MYO1E: variants seen among roughly 807,000 people sequenced by gnomAD.
The protein encoded by MYO1E is myosin IE, also known as unconventional myosin-Ie.
A neutral mutation model predicts 151.1 loss-of-function variants in MYO1E; 68 were observed. That is an observed-to-expected ratio of 0.45 (90% CI 0.37 to 0.55). The LOEUF (loss-of-function observed/expected upper bound fraction) is 0.55. MYO1E is among the 20% of genes least tolerant of loss of function. The probability of loss-of-function intolerance (pLI) is 0.00; values close to 1 mark genes in which losing one functional copy is unlikely to be tolerated. For missense variants in MYO1E, 1,363 were observed against 1,389.3 expected, an observed-to-expected ratio of 0.98 and a Z score of 0.30; for synonymous variants, 601 against 501.7, an observed-to-expected ratio of 1.20 and a Z score of -2.64.
At chr15:59,187,146 C>G (rs1372723080) in intron 18 of MYO1E, among the ~76,000 whole-genome samples, 1 of 152,190 alleles carries the variant, frequency 6.6e-6, no homozygotes, top group Non-Finnish European at 1.5e-5. Flanking sequence ...AATTCTTGCA[C>G]TTATGTGTTA....
At chr15:59,178,813 C>G (rs1474924131) in intron 18 of MYO1E, among the ~76,000 whole-genome samples, 1 of 152,232 alleles carries the variant, frequency 6.6e-6, no homozygotes, top group Non-Finnish European at 1.5e-5. Context: ...CTTTCTACCA[C>G]TGTCTGAAAA....
At chr15:59,191,893 T>C (rs1490984386) in intron 17 of MYO1E, among the ~76,000 whole-genome samples, 1 of 152,168 alleles carries the variant, frequency 6.6e-6, no homozygotes, top group East Asian at 1.9e-4. Flanking sequence ...TTTACTCAAA[T>C]TGATCAGGGC....
chr15:59,202,574 T>C (rs577760716), intron 15 of MYO1E, among the ~76,000 whole-genome samples, 167 bp from the exon 16 acceptor site: 2 of 152,210 alleles, frequency 1.3e-5, no homozygotes, highest in East Asian at 3.9e-4. Flanking sequence ...CTTGGGGAAA[T>C]GAACAACGGA....
chr15:59,216,319 A>G (rs2079913969), intron 10 of MYO1E, among the ~76,000 whole-genome samples: 1 of 152,024 alleles, frequency 6.6e-6, no homozygotes, highest in African/African-American at 2.4e-5. Flanking sequence ...GTTTATCTGT[A>G]AAGCAGAGAT....
chr15:59,192,299 TAA>T (rs1302217808), intron 17 of MYO1E, among the ~76,000 whole-genome samples: 5 of 139,992 alleles, frequency 3.6e-5, no homozygotes, highest in Admixed American at 7.2e-5. Context: ...GGGAATCATT[TAA>T]AAAAAAAAAA....
intron 18 of MYO1E, among the ~76,000 whole-genome samples, chr15:59,186,416 AC>A (rs1566973451): frequency 2.0e-5 from 3 of 151,958 alleles, no homozygotes; most frequent in East Asian, 3.9e-4. Flanking sequence ...AAAAAAAAAA[AC>A]ATTATATCCA....
At chr15:59,236,809 G>A in intron 4 of MYO1E, 137 bp from the exon 5 acceptor site, 1 of 774,106 alleles carries the variant, frequency 1.3e-6, no homozygotes, top group East Asian at 2.7e-5. Flanking sequence ...TTTTTTTTAA[G>A]TACAATACCA....
chr15:59,238,270 T>G (rs1309867761), intron 4 of MYO1E, among the ~76,000 whole-genome samples: 1 of 152,194 alleles, frequency 6.6e-6, no homozygotes, highest in African/African-American at 2.4e-5. Flanking sequence ...ACTCTCTCAT[T>G]GGAATTACAC....
Position 59,182,822 on chromosome 15 carries a change from C to T in MYO1E, c.1905-4285G>A, listed in dbSNP as rs2079671883. Among the ~76,000 whole-genome samples the T allele has an allele frequency of 2.0e-5, 3 of 152,134 alleles. No homozygotes were observed. In the South Asian group the frequency reaches 6.2e-4, roughly 32 times the overall value. On this transcript the variant is annotated intron_variant, in intron 18 of 27. Coordinates refer to ENST00000288235, the MANE Select transcript of MYO1E (RefSeq NM_004998.4). Reference sequence around the variant, plus strand: ...ACACCTCATGCACGTATCACAGGGTCCCTTACACCAGCCAATCTTTTTGGC... The same window carrying T: ...ACACCTCATGCACGTATCACAGGGTTCCTTACACCAGCCAATCTTTTTGGC...
At position 59,227,609 on chromosome 15, in the gene MYO1E, T is replaced by A. The variant is rs2306782; in HGVS notation, c.511-19A>T. On this transcript the variant is annotated intron_variant, in intron 6 of 27. Coordinates refer to ENST00000288235, the MANE Select transcript of MYO1E (RefSeq NM_004998.4). ...ATTTTCCCTGCAAGAAAGTTAGGGA[T>A]TTCCTTCAATGGTTGGTGAACAAAA... 8,103 of 1,613,880 alleles carry A rather than the reference T, an allele frequency of 5.0e-3. 168 individuals are homozygous for A. The Admixed American group carries it at 0.058, about 11-fold the overall frequency.
At chr15:59,354,177 G>A (rs1352288683) in intron 1 of MYO1E, among the ~76,000 whole-genome samples, 1 of 152,170 alleles carries the variant, frequency 6.6e-6, no homozygotes, top group Non-Finnish European at 1.5e-5. Context: ...TGAAGCTACT[G>A]GAATTTGTGG....
chr15:59,367,822 TA>T lies in MYO1E; in HGVS notation c.3+4675del, dbSNP rs2080923008. Reference sequence around the variant, plus strand: ...GCCCCTCTGAGATGATCAAATCACATATAAAAATTGGCAGAGGCCGGGCGTG... The same window carrying T: ...GCCCCTCTGAGATGATCAAATCACATTAAAAATTGGCAGAGGCCGGGCGTG... On this transcript the variant is annotated intron_variant, in intron 1 of 27. Coordinates refer to ENST00000288235, the MANE Select transcript of MYO1E (RefSeq NM_004998.4). 2.0e-5 allele frequency among the ~76,000 whole-genome samples: 3 copies of T among 152,086 alleles called. No homozygotes were observed. In the South Asian group the frequency reaches 6.2e-4, roughly 32 times the overall value.
At chr15:59,195,109 G>A (rs746135996) in intron 17 of MYO1E, among the ~76,000 whole-genome samples, 21 of 152,300 alleles carry the variant, frequency 1.4e-4, no homozygotes, top group African/African-American at 4.1e-4. Context: ...TGTGGGTCCC[G>A]ATCAGGGGCT....
intron 13 of MYO1E, 57 bp from the exon 14 acceptor site, chr15:59,208,905 C>G (rs1182325029): frequency 6.3e-7 from 1 of 1,599,840 alleles, no homozygotes; most frequent in African/African-American, 1.3e-5. Flanking sequence ...ACAGACAATG[C>G]TTATCAGGTC....
At chr15:59,203,075 G>A (rs1256608254) in intron 15 of MYO1E, among the ~76,000 whole-genome samples, 1 of 152,178 alleles carries the variant, frequency 6.6e-6, no homozygotes, top group Non-Finnish European at 1.5e-5. Flanking sequence ...AAGCAAGATA[G>A]ACCAGAGCTC....
rs559285843 is a variant in MYO1E at position 59,360,062 on chromosome 15, A to T, written c.3+12436T>A. Among the ~76,000 whole-genome samples, 6 of 152,324 alleles carry T rather than the reference A, an allele frequency of 3.9e-5. 1 individual carries two copies. The South Asian group carries it at 1.2e-3, about 32-fold the overall frequency. On this transcript the variant is annotated intron_variant, in intron 1 of 27. Coordinates refer to ENST00000288235, the MANE Select transcript of MYO1E (RefSeq NM_004998.4). ...GGGGAAGATAAGAACAGTGAAATCA[A>T]GATTGGTCATGAGTTGTCAACGGCT...
Position 59,223,085 on chromosome 15 carries a change from T to G in MYO1E, c.884A>C (p.Asn295Thr). The G allele has an allele frequency of 1.2e-6, 2 of 1,614,138 alleles. No homozygotes were observed. Among genetic ancestry groups the G allele is most frequent in the Non-Finnish European group, 1.7e-6 (2 of 1,180,020 alleles). The change falls in exon 9 of 28, where the codon AAC becomes ACC. Residue 295 changes from asparagine to threonine, a missense_variant. Transcript: ENST00000288235. ...CTCTTCACTCTCCACAGCCGCGTAG[T>G]TGCCAACTTCTTTGAAGCTGATGTT... ...LGNISFKEVG[N>T]YAAVESEEFL...
intron 16 of MYO1E, among the ~76,000 whole-genome samples, chr15:59,196,048 G>T (rs2079764498): frequency 6.6e-6 from 1 of 152,088 alleles, no homozygotes; most frequent in Non-Finnish European, 1.5e-5. Flanking sequence ...AACTAATGAA[G>T]AATCACTTTG....
chr15:59,230,927 G>A (rs975460082), intron 6 of MYO1E, among the ~76,000 whole-genome samples: 1 of 152,188 alleles, frequency 6.6e-6, no homozygotes, highest in Non-Finnish European at 1.5e-5. Context: ...TATAAATCAA[G>A]GTTACTGGAT....
Sources: gnomAD v4.1 joint callset for allele counts (sites outside exome capture counted in the v4.1 genomes callset) on GRCh38, gnomAD v4.1.1 for gene constraint, MANE v1.5 for transcripts, NCBI Gene and HGNC (gene_info 2026-07-23, HGNC 2026-07-21) for gene names.